KIRREL3: variants seen among roughly 807,000 people sequenced by gnomAD.
KIRREL3 encodes kirre like nephrin family adhesion molecule 3, also known as kin of IRRE-like protein 3.
In KIRREL3, 36 loss-of-function variants were observed where a neutral mutation model predicts 89.7. That is an observed-to-expected ratio of 0.40 (90% CI 0.31 to 0.53). KIRREL3 has a LOEUF of 0.53. KIRREL3 is among the 20% of genes least tolerant of loss of function. The pLI, the probability that KIRREL3 is intolerant of heterozygous loss-of-function variation, is 0.49. For missense variants in KIRREL3, 864 were observed against 1,056.6 expected, an observed-to-expected ratio of 0.82 and a Z score of 2.53; for synonymous variants, 445 against 441.4, an observed-to-expected ratio of 1.01 and a Z score of -0.10.
intron 1 of KIRREL3, among the ~76,000 whole-genome samples, chr11:126,839,906 T>C (rs1401366830): frequency 6.6e-6 from 1 of 152,222 alleles, no homozygotes; most frequent in Non-Finnish European, 1.5e-5. Context: ...AATATTTAAG[T>C]GGACAAGGAT....
intron 9 of KIRREL3, among the ~76,000 whole-genome samples, chr11:126,445,782 G>A (rs4312077): frequency 0.43 from 64,803 of 151,972 alleles, 14,300 homozygotes; most frequent in Middle Eastern, 0.51. Flanking sequence ...CCTACCTGGA[G>A]CTCTCCCTGT....
rs907206340 is a variant in KIRREL3, at chr11:126,796,618, T to C, written c.55+203837A>G. On this transcript the variant is annotated intron_variant, in intron 1 of 16. Coordinates refer to ENST00000525144, the MANE Select transcript of KIRREL3 (RefSeq NM_032531.4). The surrounding 1 kb of genome is among the most constrained non-coding windows in gnomAD (Gnocchi z 5.1). ...AAATGTTGGCACAAGTGCCCTCTTA[T>C]GTTAAGCATTGCCCCCAACCCTGCT... is the stretch of plus-strand genomic sequence containing the variant. Among the ~76,000 whole-genome samples, 2 of 152,232 alleles carry C rather than the reference T, an allele frequency of 1.3e-5. No individual in the cohort carries two copies. Among genetic ancestry groups the C allele is most frequent in the African/African-American group, 4.8e-5 (2 of 41,458 alleles).
At chr11:126,849,551 C>T (rs867937323) in intron 1 of KIRREL3, among the ~76,000 whole-genome samples, 4 of 152,132 alleles carry the variant, frequency 2.6e-5, no homozygotes, top group Admixed American at 2.0e-4. Flanking sequence ...AATGGGGTCC[C>T]GATGGCCACC....
At chr11:126,542,451 C>A (rs1938443572) in intron 2 of KIRREL3, among the ~76,000 whole-genome samples, 1 of 152,264 alleles carries the variant, frequency 6.6e-6, no homozygotes, top group African/African-American at 2.4e-5. Flanking sequence ...TCATTTTCGA[C>A]TTTGGAATGC....
In KIRREL3 at chr11:126,557,594, G is replaced by C. The variant is rs948406389; in HGVS notation, c.133+5241C>G. Among the ~76,000 whole-genome samples, 1 of 152,140 alleles carries C rather than the reference G, an allele frequency of 6.6e-6. No homozygotes were observed. The highest frequency in any genetic ancestry group is 2.4e-5 in the African/African-American group (1 of 41,418). On this transcript the variant is annotated intron_variant, in intron 2 of 16. Transcript: ENST00000525144. The surrounding 1 kb of genome is among the most constrained non-coding windows in gnomAD (Gnocchi z 5.6). ...CTCCCACTACACATCCCAGCTGTGG[G>C]GCACCTCTCTTTCTATACGAGGAAA...
Position 126,900,340 on chromosome 11 carries a change from G to T in KIRREL3, c.55+100115C>A, listed in dbSNP as rs2134833409. ...GAACTACTCAGAGTCTTCCTTGAGT[G>T]CAAGCAGTTCCGGCTTGTGAGAAAT... On this transcript the variant is annotated intron_variant, in intron 1 of 16. Coordinates refer to ENST00000525144, the MANE Select transcript of KIRREL3 (RefSeq NM_032531.4). The surrounding 1 kb of genome is among the most constrained non-coding windows in gnomAD (Gnocchi z 4.4). 6.6e-6 allele frequency among the ~76,000 whole-genome samples: 1 copy of T among 152,290 alleles called. No homozygotes were observed. The highest frequency in any genetic ancestry group is 1.5e-5 in the Non-Finnish European group (1 of 68,024).
chr11:126,930,860 C>T (rs1947920710), intron 1 of KIRREL3, among the ~76,000 whole-genome samples: 1 of 152,208 alleles, frequency 6.6e-6, no homozygotes, highest in South Asian at 2.1e-4. Flanking sequence ...TCAGAGTCTG[C>T]AGACATAGAG....
In KIRREL3 at chr11:126,766,621, C is replaced by A. The variant is rs972321684; in HGVS notation, c.56-203709G>T. Among the ~76,000 whole-genome samples the A allele has an allele frequency of 6.6e-6, 1 of 152,130 alleles. No individual in the cohort carries two copies. Among genetic ancestry groups the A allele is most frequent in the Non-Finnish European group, 1.5e-5 (1 of 68,042 alleles). The stretch of plus-strand genomic sequence containing the variant: ...TCATGGTGGCGCCAGTAGTATCATT[C>A]CATTACCATTTCCTCAAATGGGGAG... On this transcript the variant is annotated intron_variant, in intron 1 of 16. Coordinates refer to ENST00000525144, the MANE Select transcript of KIRREL3 (RefSeq NM_032531.4). This position sits in a 1 kb window ranked among gnomAD's most constrained non-coding sequence, Gnocchi z 4.2.
intron 1 of KIRREL3, chr11:126,944,877 AT>A (rs1411044880): frequency 6.6e-6 from 1 of 152,174 alleles, no homozygotes; most frequent in Non-Finnish European, 1.5e-5. Context: ...CTCTGACCAG[AT>A]TTAATCTACA....
At chr11:126,725,773 G>C (rs1948356755) in intron 1 of KIRREL3, among the ~76,000 whole-genome samples, 1 of 152,204 alleles carries the variant, frequency 6.6e-6, no homozygotes, top group Non-Finnish European at 1.5e-5. Flanking sequence ...CACAAAGGCA[G>C]GGCCAGGGAC....
At chr11:126,446,956 T>G in intron 8 of KIRREL3, 70 bp from the exon 9 acceptor site, 1 of 1,550,700 alleles carries the variant, frequency 6.4e-7, no homozygotes, top group Non-Finnish European at 8.7e-7. Flanking sequence ...TGCTGCTGCC[T>G]CCTTTTCCCC....
chr11:126,887,293 A>C (rs150962955), intron 1 of KIRREL3, among the ~76,000 whole-genome samples: 1 of 152,322 alleles, frequency 6.6e-6, no homozygotes, highest in East Asian at 1.9e-4. Context: ...GCAAGCATGC[A>C]TTCATCACTT....
intron 1 of KIRREL3, among the ~76,000 whole-genome samples, chr11:126,882,724 C>A (rs1166698198): frequency 6.6e-6 from 1 of 152,216 alleles, no homozygotes; most frequent in Non-Finnish European, 1.5e-5. Flanking sequence ...CTGCTTTAAT[C>A]CCCCTTTTGT....
At position 126,883,348 on chromosome 11, in the gene KIRREL3, T is replaced by C. The variant is rs998803642; in HGVS notation, c.55+117107A>G. Among the ~76,000 whole-genome samples, 9 of 152,144 alleles carry C rather than the reference T, an allele frequency of 5.9e-5. No individual in the cohort carries two copies. Among genetic ancestry groups the C allele is most frequent in the African/African-American group, 2.2e-4 (9 of 41,436 alleles). ...AGCAGTTAAAGAACTTTATAGCCTCTTCCCAACAAATGCTCATTGTCGCAC... is the reference window on the plus strand; with the variant it reads ...AGCAGTTAAAGAACTTTATAGCCTCCTCCCAACAAATGCTCATTGTCGCAC... On this transcript the variant is annotated intron_variant, in intron 1 of 16. Coordinates refer to ENST00000525144, the MANE Select transcript of KIRREL3 (RefSeq NM_032531.4). The surrounding 1 kb of genome is among the most constrained non-coding windows in gnomAD (Gnocchi z 4.1).
chr11:126,702,357 T>C (rs761933253), intron 1 of KIRREL3, among the ~76,000 whole-genome samples: 2 of 152,192 alleles, frequency 1.3e-5, no homozygotes, highest in Admixed American at 6.5e-5. Flanking sequence ...CACAAATCTA[T>C]GACATCATGA....
In KIRREL3 at chr11:126,900,443, T is replaced by G. The variant is rs1272666343; in HGVS notation, c.55+100012A>C. Among the ~76,000 whole-genome samples the G allele has an allele frequency of 6.6e-6, 1 of 152,210 alleles. No individual in the cohort carries two copies. On this transcript the variant is annotated intron_variant, in intron 1 of 16. Coordinates refer to ENST00000525144, the MANE Select transcript of KIRREL3 (RefSeq NM_032531.4). The surrounding 1 kb of genome is among the most constrained non-coding windows in gnomAD (Gnocchi z 4.4). Reference sequence around the variant, plus strand: ...TTTATTGATAACAACCTGATAGGAATGCATATTCCTTCTCCAATTCCCTTT... The same window carrying G: ...TTTATTGATAACAACCTGATAGGAAGGCATATTCCTTCTCCAATTCCCTTT...
rs1367917606 is a variant in KIRREL3 at position 126,570,361 on chromosome 11, C to G, written c.56-7449G>C. On this transcript the variant is annotated intron_variant, in intron 1 of 16. Transcript: ENST00000525144. This position sits in a 1 kb window ranked among gnomAD's most constrained non-coding sequence, Gnocchi z 6.1. Reference sequence around the variant, plus strand: ...ATTTAATTAACTATGCTATTACATACCAATTAAATTCATATAAGAGGAATC... The same window carrying G: ...ATTTAATTAACTATGCTATTACATAGCAATTAAATTCATATAAGAGGAATC... Among the ~76,000 whole-genome samples, 2 of 152,108 alleles carry G rather than the reference C, an allele frequency of 1.3e-5. No homozygotes were observed. The highest frequency in any genetic ancestry group is 1.5e-5 in the Non-Finnish European group (1 of 68,022).
At chr11:126,971,763 A>G (rs1949431314) in intron 1 of KIRREL3, among the ~76,000 whole-genome samples, 1 of 152,164 alleles carries the variant, frequency 6.6e-6, no homozygotes, top group African/African-American at 2.4e-5. Flanking sequence ...TCCATTCAAA[A>G]AGCTTGCAGG....
intron 16 of KIRREL3, among the ~76,000 whole-genome samples, chr11:126,425,244 C>T (rs1458068522): frequency 2.0e-5 from 3 of 152,104 alleles, no homozygotes; most frequent in African/African-American, 7.2e-5. Flanking sequence ...GACTGCGGAC[C>T]CCAGGAGGGG....
Sources: allele counts gnomAD v4.1 joint callset (sites outside exome capture counted in the v4.1 genomes callset), GRCh38; gene constraint gnomAD v4.1.1; non-coding constraint Gnocchi (gnomAD v3.1); transcripts MANE v1.5; gene names NCBI Gene and HGNC (gene_info 2026-07-23, HGNC 2026-07-21).